Variants in TRIO observed in about 807,000 individuals in gnomAD.
TRIO encodes the protein triple functional domain protein.
A neutral mutation model predicts 351.9 loss-of-function variants in TRIO; 58 were observed. That is an observed-to-expected ratio of 0.16 (90% CI 0.13 to 0.21). The LOEUF (loss-of-function observed/expected upper bound fraction) is 0.21, where lower values mean the gene tolerates loss of function less well. Ranked by LOEUF, TRIO falls within the 10% of genes least tolerant of loss-of-function variation. The probability of loss-of-function intolerance (pLI) is 1.00; values close to 1 mark genes in which losing one functional copy is unlikely to be tolerated. For synonymous variants in TRIO, 1,758 were observed against 1,595.7 expected (o/e 1.10, Z -2.42); for missense variants, 3,201 against 4,027.8 (o/e 0.79, Z 5.56).
chr5:14,143,642 G>C lies in TRIO; in HGVS notation c.-84G>C. ...CGCGGGCAGCTGGGTGCTCGGCGCC[G>C]CCAGGCCCGGCGCGGAGCGGGCGGC... On this transcript the variant is annotated 5_prime_UTR_variant, in exon 1 of 57. Transcript: ENST00000344204. 1.6e-6 allele frequency: 1 copy of C among 635,388 alleles called. No homozygotes were observed. 39.4% of individuals were successfully genotyped at this position (635,388 alleles called of 1,614,324 possible).
intron 36 of TRIO, among the ~76,000 whole-genome samples, chr5:14,463,603 T>C (rs570064269): frequency 6.6e-6 from 1 of 151,884 alleles, no homozygotes; most frequent in African/African-American, 2.4e-5. Flanking sequence ...TCAGTGTGGC[T>C]TGCACATCCT....
intron 53 of TRIO, among the ~76,000 whole-genome samples, chr5:14,501,948 TGAAAG>T (rs1195675238): frequency 2.0e-5 from 3 of 152,364 alleles, no homozygotes; most frequent in Admixed American, 6.5e-5. Flanking sequence ...GGAAGACTCT[TGAAAG>T]GATGCTTTCT....
chr5:14,390,767 T>C, intron 26 of TRIO, 134 bp from the exon 27 acceptor site: 1 of 711,278 alleles, frequency 1.4e-6, no homozygotes. Flanking sequence ...TTCAGTAGCT[T>C]TCTTTTTAAA....
chr5:14,428,937 C>T (rs1396510077), intron 34 of TRIO, among the ~76,000 whole-genome samples: 4 of 152,210 alleles, frequency 2.6e-5, no homozygotes, highest in East Asian at 1.9e-4. Flanking sequence ...CCTCTCCTGC[C>T]TCTCACTCTC....
At chr5:14,397,296 T>A in intron 29 of TRIO, 142 bp downstream of exon 29, 2 of 665,460 alleles carry the variant, frequency 3.0e-6, no homozygotes, top group Non-Finnish European at 5.0e-6. Flanking sequence ...ATCAGTGTCA[T>A]TGCTTTTCTT....
chr5:14,381,275 A>G (rs368953415), intron 21 of TRIO, 23 bp downstream of exon 21: 9 of 1,578,054 alleles, frequency 5.7e-6, no homozygotes, highest in African/African-American at 5.5e-5. Context: ...TGTACTTTGT[A>G]TAGTGGCCTC....
chr5:14,409,834 C>CAAAAA (rs762403574), intron 33 of TRIO, among the ~76,000 whole-genome samples: 1 of 82,130 alleles, frequency 1.2e-5, no homozygotes, highest in Non-Finnish European at 2.7e-5. Flanking sequence ...GACTCCATCT[C>CAAAAA]AAAAAAAAAA....
intron 11 of TRIO, among the ~76,000 whole-genome samples, chr5:14,338,640 G>A (rs367668310): frequency 3.1e-4 from 47 of 152,346 alleles, no homozygotes; most frequent in African/African-American, 1.1e-3. Flanking sequence ...CAGGAGCACA[G>A]CAGCCTGGAC....
rs1032913640 is a variant in TRIO, at chr5:14,498,125, C to T, written c.8084C>T (p.Thr2695Met). Residue 2695 changes from threonine to methionine, a missense_variant, in exon 52 of 57, where the codon ACG becomes ATG. Thr to Met is a moderately conservative substitution (Grantham distance 81). Around this residue, in one of 19 missense-constraint regions of TRIO, gnomAD observed 1,089 missense variants for 954.9 expected, o/e 1.14. Coordinates refer to ENST00000344204, the MANE Select transcript of TRIO (RefSeq NM_007118.4). ...TTCGTCATTCCATTGAGTGAGGTCACGTGTGAGACAGGGGAGACCGTTGTT... is the reference window on the plus strand; with the variant it reads ...TTCGTCATTCCATTGAGTGAGGTCATGTGTGAGACAGGGGAGACCGTTGTT... Reference protein sequence around the residue: ...PEFVIPLSEVTCETGETVVLR... With the variant: ...PEFVIPLSEVMCETGETVVLR... 11 of 1,614,066 alleles carry T rather than the reference C, an allele frequency of 6.8e-6. No homozygotes were observed. Among genetic ancestry groups the T allele is most frequent in the Admixed American group, 5.0e-5 (3 of 60,006 alleles).
chr5:14,205,020 C>T lies in TRIO; in HGVS notation c.157+61138C>T, dbSNP rs190570927. ...AGGGTTCCTCTTCCAAGCTCTTTTT[C>T]CTGCTCTCTGTTTCCACCGTGGCTG... On this transcript the variant is annotated intron_variant, in intron 1 of 56. Coordinates refer to ENST00000344204, the MANE Select transcript of TRIO (RefSeq NM_007118.4). Among the ~76,000 whole-genome samples the T allele has an allele frequency of 2.9e-3, 442 of 152,324 alleles. 2 individuals carry two copies. Among genetic ancestry groups the T allele is most frequent in the Non-Finnish European group, 4.7e-3 (322 of 68,024 alleles).
At chr5:14,470,219 C>A (rs1259924502) in intron 37 of TRIO, among the ~76,000 whole-genome samples, 1 of 152,210 alleles carries the variant, frequency 6.6e-6, no homozygotes, top group Non-Finnish European at 1.5e-5. Context: ...TTGTACAGTA[C>A]ATGCTTTGTG....
In TRIO at chr5:14,388,688, GTTTTTTTT is replaced by G; in HGVS notation, c.3948+20_3948+27del. The G allele has an allele frequency of 6.9e-7, 1 of 1,440,392 alleles. No homozygotes were observed. The highest frequency in any genetic ancestry group is 9.3e-7 in the Non-Finnish European group (1 of 1,078,270). 89.2% of individuals were successfully genotyped at this position (1,440,392 alleles called of 1,614,324 possible). ...TCCGGGAATGTATGGATGTAAGTAA[GTTTTTTTT>G]TTTTTTTTTTGCTTGTTTATTTAGA... On this transcript the variant is annotated intron_variant, in intron 24 of 56. Coordinates refer to ENST00000344204, the MANE Select transcript of TRIO (RefSeq NM_007118.4).
rs753579551 is a variant in TRIO, at chr5:14,286,435, C to T, written c.348-436C>T. 6.6e-6 allele frequency among the ~76,000 whole-genome samples: 1 copy of T among 152,126 alleles called. No individual in the cohort carries two copies. Among genetic ancestry groups the T allele is most frequent in the Non-Finnish European group, 1.5e-5 (1 of 68,026 alleles). On this transcript the variant is annotated intron_variant, in intron 3 of 56. Transcript: ENST00000344204. This position sits in a 1 kb window ranked among gnomAD's most constrained non-coding sequence, Gnocchi z 4.4. ...GGAGTCCTGGGGTAACTGCCGTCCA[C>T]AGGTCTCAGACTGTCCCCAGTCTGG...
intron 48 of TRIO, chr5:14,488,791 A>G (rs1425864389): frequency 5.0e-6 from 3 of 595,972 alleles, no homozygotes; most frequent in Non-Finnish European, 9.0e-6. Context: ...AAATGGGGGG[A>G]AAGAATCTGT....
At chr5:14,405,566 A>G (rs1246577000) in intron 31 of TRIO, among the ~76,000 whole-genome samples, 1 of 152,216 alleles carries the variant, frequency 6.6e-6, no homozygotes, top group African/African-American at 2.4e-5. Flanking sequence ...TTATTTGCCC[A>G]GGGCTGCTTA....
rs185045810 is a variant in TRIO at position 14,492,228 on chromosome 5, A to G, written c.7633-339A>G. The G allele has an allele frequency of 6.6e-5, 21 of 316,492 alleles. No homozygotes were observed. The East Asian group carries it at 1.4e-3, about 22-fold the overall frequency. The allele number at this position is 316,492 out of a possible 1,614,324, so 19.6% of individuals were successfully genotyped here. On this transcript the variant is annotated intron_variant, in intron 48 of 56. Coordinates refer to ENST00000344204, the MANE Select transcript of TRIO (RefSeq NM_007118.4). ...GATGTGGCTATGTTTGCTTAGGAGT[A>G]ACCTAACGTGGCGTCAGCAGGAGGA...
Position 14,461,305 on chromosome 5 carries a change from C to A in TRIO, c.5490C>A (p.Val1830=). ...CGGCCACCCCGCAGGACGAGACGGT[C>A]GAGGAGGTGAGGCTCTGCCCGCTGG... ...DSAATPQDET[V]EERGRNEGLS... The change falls in exon 35 of 57, where the codon GTC becomes GTA. Residue 1830 remains valine, a synonymous_variant. Coordinates refer to ENST00000344204, the MANE Select transcript of TRIO (RefSeq NM_007118.4). 1 of 1,571,230 alleles carries A rather than the reference C, an allele frequency of 6.4e-7. No homozygotes were observed. Among genetic ancestry groups the A allele is most frequent in the East Asian group, 2.3e-5 (1 of 43,792 alleles).
chr5:14,383,544 C>T (rs952675642), intron 21 of TRIO, among the ~76,000 whole-genome samples: 3 of 152,146 alleles, frequency 2.0e-5, no homozygotes, highest in African/African-American at 7.2e-5. Context: ...CAATGACAGG[C>T]TTATTTTTAT....
chr5:14,396,163 C>T (rs1579528875), intron 28 of TRIO, among the ~76,000 whole-genome samples: 1 of 151,610 alleles, frequency 6.6e-6, no homozygotes, highest in East Asian at 1.9e-4. Flanking sequence ...TGTAATCACA[C>T]ACATAGGGCT....
Sources: gnomAD v4.1 joint callset for allele counts (sites outside exome capture counted in the v4.1 genomes callset) on GRCh38, gnomAD v4.1.1 for gene constraint, gnomAD v4.1.1 regional missense constraint, Gnocchi (gnomAD v3.1) non-coding constraint, MANE v1.5 for transcripts, NCBI Gene and HGNC (gene_info 2026-07-23, HGNC 2026-07-21) for gene names.